Variants in RNF220 observed in about 807,000 individuals in gnomAD.
The protein encoded by RNF220 is E3 ubiquitin-protein ligase RNF220.
Under a neutral mutation model 67.1 loss-of-function variants are expected in RNF220, and 7 were observed. The observed-to-expected ratio is 0.10, with a 90% CI of 0.06 to 0.20. The LOEUF (loss-of-function observed/expected upper bound fraction) is 0.20. Among genes scored for constraint, RNF220 ranks in the 10% least tolerant of loss-of-function variants. The pLI is 1.00. For synonymous variants in RNF220, 270 were observed against 283.2 expected, an observed-to-expected ratio of 0.95 and a Z score of 0.47; for missense variants, 565 against 740.3, an observed-to-expected ratio of 0.76 and a Z score of 2.75.
chr1:44,502,052 A>AACACACACACACAC (rs56978327), intron 2 of RNF220, among the ~76,000 whole-genome samples: 38 of 121,850 alleles, frequency 3.1e-4, no homozygotes, highest in African/African-American at 1.1e-3. Context: ...ACACCACTGA[A>AACACACACACACAC]ACACACACAC....
At chr1:44,437,445 C>A (rs1052241197) in intron 2 of RNF220, among the ~76,000 whole-genome samples, 1 of 151,722 alleles carries the variant, frequency 6.6e-6, no homozygotes, top group African/African-American at 2.4e-5. Context: ...TGTTTTATTT[C>A]CCTGTGATTT....
intron 2 of RNF220, among the ~76,000 whole-genome samples, chr1:44,610,919 G>T (rs572327260): frequency 2.0e-5 from 3 of 152,136 alleles, no homozygotes; most frequent in African/African-American, 7.2e-5. Flanking sequence ...TTTATGGCCC[G>T]TTTTATGGCC....
chr1:44,533,363 A>G (rs1253630252), intron 2 of RNF220, among the ~76,000 whole-genome samples: 1 of 152,104 alleles, frequency 6.6e-6, no homozygotes, highest in Non-Finnish European at 1.5e-5. Flanking sequence ...ATAGTGGTGC[A>G]TGCCTGTAGT....
At chr1:44,411,693 G>A (rs1399087361) in intron 1 of RNF220, among the ~76,000 whole-genome samples, 1 of 152,178 alleles carries the variant, frequency 6.6e-6, no homozygotes, top group Non-Finnish European at 1.5e-5. Context: ...AGAGAATATC[G>A]TATTTGGAGG....
chr1:44,438,152 G>A (rs1413421893), intron 2 of RNF220, among the ~76,000 whole-genome samples: 1 of 152,064 alleles, frequency 6.6e-6, no homozygotes, highest in Non-Finnish European at 1.5e-5. Context: ...ACAGCATTTT[G>A]CTCAGTCACC....
At chr1:44,494,128 C>T (rs1214657067) in intron 2 of RNF220, among the ~76,000 whole-genome samples, 1 of 150,448 alleles carries the variant, frequency 6.6e-6, no homozygotes, top group Non-Finnish European at 1.5e-5. Flanking sequence ...ATCGCTTGAA[C>T]TCAGGAGGCG....
At chr1:44,470,401 T>C (rs148392632) in intron 2 of RNF220, among the ~76,000 whole-genome samples, 2 of 152,216 alleles carry the variant, frequency 1.3e-5, no homozygotes, top group African/African-American at 4.8e-5. Flanking sequence ...GTTGGCAACA[T>C]TTATTTATGG....
At chr1:44,523,341 C>A (rs1038020729) in intron 2 of RNF220, among the ~76,000 whole-genome samples, 2 of 152,194 alleles carry the variant, frequency 1.3e-5, no homozygotes, top group African/African-American at 4.8e-5. Context: ...CCTGTTTGCT[C>A]TCCTCCCACC....
intron 2 of RNF220, among the ~76,000 whole-genome samples, chr1:44,557,423 GGAGGGAGGGAGA>G (rs1489958653): frequency 1.3e-5 from 2 of 151,222 alleles, no homozygotes; most frequent in African/African-American, 2.4e-5. Flanking sequence ...AAGGAAGGAG[GGAGGGAGGGAGA>G]GAGGGAGGGA....
intron 8 of RNF220, among the ~76,000 whole-genome samples, chr1:44,642,290 A>C (rs1239410138): frequency 6.6e-6 from 1 of 152,268 alleles, no homozygotes; most frequent in African/African-American, 2.4e-5. Context: ...GATAGGGATC[A>C]GATCTTGAAG....
intron 2 of RNF220, among the ~76,000 whole-genome samples, chr1:44,541,035 C>G (rs543303651): frequency 4.2e-4 from 64 of 152,304 alleles, no homozygotes; most frequent in African/African-American, 1.5e-3. Flanking sequence ...TAGATTCTTT[C>G]ACTTAATCTT....
intron 6 of RNF220, 62 bp from the exon 7 acceptor site, chr1:44,635,483 A>T: frequency 6.3e-7 from 1 of 1,587,756 alleles, no homozygotes; most frequent in Non-Finnish European, 8.6e-7. Context: ...CTCCACTGGG[A>T]CCCTGGGGGC....
chr1:44,632,455 C>T (rs968475813), intron 6 of RNF220, 70 bp downstream of exon 6: 1 of 1,458,068 alleles, frequency 6.9e-7, no homozygotes, highest in Non-Finnish European at 9.4e-7. Flanking sequence ...CTGCCTGCCG[C>T]TCCTGGCTTG....
At chr1:44,418,396 C>A (rs1442010551) in intron 2 of RNF220, among the ~76,000 whole-genome samples, 1 of 152,206 alleles carries the variant, frequency 6.6e-6, no homozygotes, top group East Asian at 1.9e-4. Context: ...TTTTTCCCTT[C>A]CTGCTTTTCA....
Position 44,434,941 on chromosome 1 carries a change from C to T in RNF220, c.625+22219C>T, listed in dbSNP as rs544106784. ...ACTCAGGAGGCTGAGTGGGGAGGAT[C>T]GCTTGAGCCTAGTAGTTCAAGGCTG... is the stretch of plus-strand genomic sequence containing the variant. On this transcript the variant is annotated intron_variant, in intron 2 of 14. Coordinates refer to ENST00000361799, the MANE Select transcript of RNF220 (RefSeq NM_018150.4). 1.5e-4 allele frequency among the ~76,000 whole-genome samples: 22 copies of T among 151,060 alleles called. 1 individual carries two copies. The South Asian group carries it at 2.7e-3, about 19-fold the overall frequency.
intron 2 of RNF220, among the ~76,000 whole-genome samples, chr1:44,556,794 T>G (rs1330344894): frequency 6.6e-6 from 1 of 151,776 alleles, no homozygotes; most frequent in African/African-American, 2.4e-5. Context: ...CTCCTGACCT[T>G]GTGATCCACC....
At chr1:44,456,670 A>G (rs995005842) in intron 2 of RNF220, among the ~76,000 whole-genome samples, 1 of 152,194 alleles carries the variant, frequency 6.6e-6, no homozygotes, top group Non-Finnish European at 1.5e-5. Flanking sequence ...TCTGTTGTCT[A>G]CGTGGCAGCC....
chr1:44,580,600 A>G (rs1022222780), intron 2 of RNF220, among the ~76,000 whole-genome samples: 2 of 152,186 alleles, frequency 1.3e-5, no homozygotes, highest in Admixed American at 6.5e-5. Flanking sequence ...CAGAGCAGCA[A>G]AGCCGCCTGA....
At chr1:44,447,705 TGAA>T (rs1289756580) in intron 2 of RNF220, among the ~76,000 whole-genome samples, 1 of 152,206 alleles carries the variant, frequency 6.6e-6, no homozygotes, top group Non-Finnish European at 1.5e-5. Flanking sequence ...CATAAGCCAG[TGAA>T]GTATTATTCA....
Sources: gnomAD v4.1 joint callset for allele counts (sites outside exome capture counted in the v4.1 genomes callset) on GRCh38, gnomAD v4.1.1 for gene constraint, MANE v1.5 for transcripts, NCBI Gene and HGNC (gene_info 2026-07-23, HGNC 2026-07-21) for gene names.